The following DAB1 variants were observed in gnomAD, a reference collection of about 807,000 sequenced individuals.
The protein encoded by DAB1 is DAB adaptor protein 1, also known as disabled homolog 1.
In DAB1, 15 loss-of-function variants were observed where a neutral mutation model predicts 64.6. The observed-to-expected ratio is 0.23, with a 90% CI of 0.16 to 0.36. The LOEUF is 0.36. Among genes scored for constraint, DAB1 ranks in the 10% least tolerant of loss-of-function variants. The pLI is 1.00. For missense variants in DAB1, 596 were observed against 706.7 expected, an observed-to-expected ratio of 0.84 and a Z score of 1.78; for synonymous variants, 235 against 251.9, an observed-to-expected ratio of 0.93 and a Z score of 0.64.
At chr1:57,415,512 T>C (rs997367142) in intron 1 of DAB1, among the ~76,000 whole-genome samples, 2 of 152,196 alleles carry the variant, frequency 1.3e-5, no homozygotes, top group African/African-American at 4.8e-5. Context: ...AACTTCTATG[T>C]GGTCTATAAA....
intron 7 of DAB1, among the ~76,000 whole-genome samples, chr1:57,530,142 C>A (rs1292812024): frequency 6.6e-6 from 1 of 152,096 alleles, no homozygotes; most frequent in Non-Finnish European, 1.5e-5. Flanking sequence ...TACTTTGATG[C>A]AAATTTTTAG....
At chr1:58,214,001 T>C (rs959916339) in intron 4 of DAB1, among the ~76,000 whole-genome samples, 9 of 152,180 alleles carry the variant, frequency 5.9e-5, no homozygotes, top group Non-Finnish European at 1.0e-4. Flanking sequence ...ACTCTATCTT[T>C]CACACTGCTT....
At chr1:57,934,045 G>A (rs1217698849) in intron 5 of DAB1, among the ~76,000 whole-genome samples, 3 of 144,204 alleles carry the variant, frequency 2.1e-5, no homozygotes, top group Non-Finnish European at 3.0e-5. Context: ...ATAGGCGTCC[G>A]CCACCAAGCC....
At chr1:57,254,715 T>C (rs1054486151) in intron 2 of DAB1, among the ~76,000 whole-genome samples, 1 of 152,136 alleles carries the variant, frequency 6.6e-6, no homozygotes, top group Non-Finnish European at 1.5e-5. Context: ...ATATTAATTG[T>C]GGAAAATTTG....
chr1:57,292,428 A>T (rs1672850014), intron 1 of DAB1, among the ~76,000 whole-genome samples: 1 of 152,180 alleles, frequency 6.6e-6, no homozygotes, highest in Non-Finnish European at 1.5e-5. Context: ...GGCTACAACT[A>T]AGAAAAACAG....
At chr1:57,618,721 T>A (rs1460423024) in intron 7 of DAB1, among the ~76,000 whole-genome samples, 1 of 145,708 alleles carries the variant, frequency 6.9e-6, no homozygotes, top group Non-Finnish European at 1.5e-5. Flanking sequence ...TTAACAGCTA[T>A]TACACAGATA....
In DAB1 at chr1:57,934,067, G is replaced by C. The variant is rs1411505652; in HGVS notation, n.388-49905C>G. Among the ~76,000 whole-genome samples, 6 of 139,782 alleles carry C rather than the reference G, an allele frequency of 4.3e-5. No homozygotes were observed. In the South Asian group the frequency reaches 1.4e-3, roughly 33 times the overall value. The allele number at this position is 139,782 out of a possible 152,430, so 91.7% of individuals were successfully genotyped here. A position where few individuals can be genotyped will look rare whatever the true frequency, so the allele number is the denominator to read the frequency against. ...TCCGCCACCAAGCCCAGCTAATTGT[G>C]TGTGTGTGTGTGTGTGTGTGTGTGT... On this transcript the variant is annotated intron_variant and non_coding_transcript_variant, in intron 5 of 20. Transcript: ENST00000485760.
At position 56,994,814 on chromosome 1, in the gene DAB1, C is replaced by T. The variant is rs532662359; in HGVS notation, c.*3330G>A. 1 of 152,324 alleles carries T rather than the reference C, an allele frequency of 6.6e-6. No individual in the cohort carries two copies. The highest frequency in any genetic ancestry group is 1.9e-4 in the East Asian group (1 of 5,188). The allele number at this position is 152,324 out of a possible 1,614,324, so 9.4% of individuals were successfully genotyped here. ...AACATGTTTATTTGTAACAGTTTTA[C>T]ATGGTGTGTTACAGAAATTAATGGA... is the stretch of plus-strand genomic sequence containing the variant. On this transcript the variant is annotated 3_prime_UTR_variant, in exon 15 of 15. Transcript: ENST00000371236.
intron 1 of DAB1, among the ~76,000 whole-genome samples, chr1:58,543,891 C>T (rs12563531): frequency 6.6e-5 from 10 of 152,136 alleles, no homozygotes; most frequent in Non-Finnish European, 1.2e-4. Flanking sequence ...GTAGCCCCTA[C>T]ATGTGGCTAC....
intron 2 of DAB1, among the ~76,000 whole-genome samples, chr1:57,207,116 G>A (rs1486269675): frequency 6.6e-6 from 1 of 151,018 alleles, no homozygotes; most frequent in African/African-American, 2.4e-5. Flanking sequence ...TTATGGGCAT[G>A]TGCCACTGTG....
chr1:57,660,081 G>C (rs1454244464), intron 6 of DAB1, among the ~76,000 whole-genome samples: 2 of 151,836 alleles, frequency 1.3e-5, no homozygotes, highest in Non-Finnish European at 2.9e-5. Flanking sequence ...TAATAAAAAT[G>C]AAATAAAATC....
At chr1:58,530,053 T>C (rs1646410857) in intron 1 of DAB1, among the ~76,000 whole-genome samples, 1 of 152,262 alleles carries the variant, frequency 6.6e-6, no homozygotes, top group East Asian at 1.9e-4. Flanking sequence ...GCTAATTTTT[T>C]TGTATTTTTA....
intron 1 of DAB1, among the ~76,000 whole-genome samples, chr1:57,390,458 C>T (rs1682255772): frequency 6.6e-6 from 1 of 152,178 alleles, no homozygotes; most frequent in Non-Finnish European, 1.5e-5. Context: ...AAAATAATCA[C>T]GATTGTACTC....
At chr1:57,845,632 A>G (rs1306255715) in intron 1 of DAB1, among the ~76,000 whole-genome samples, 1 of 152,218 alleles carries the variant, frequency 6.6e-6, no homozygotes, top group African/African-American at 2.4e-5. Flanking sequence ...AAAGAAAAGT[A>G]CACGACATTA....
intron 5 of DAB1, among the ~76,000 whole-genome samples, chr1:58,140,570 G>A (rs921205501): frequency 6.6e-6 from 1 of 151,734 alleles, no homozygotes; most frequent in Non-Finnish European, 1.5e-5. Context: ...GGAGTTCACA[G>A]GAGAACTAAA....
intron 4 of DAB1, among the ~76,000 whole-genome samples, chr1:58,210,110 A>T (rs774197387): frequency 6.6e-6 from 1 of 152,200 alleles, no homozygotes; most frequent in Non-Finnish European, 1.5e-5. Flanking sequence ...TACTTACAAC[A>T]ACTCTTGAGG....
chr1:57,576,168 T>C lies in DAB1; in HGVS notation n.625+73424A>G, dbSNP rs935959162. On this transcript the variant is annotated intron_variant and non_coding_transcript_variant, in intron 7 of 20. Transcript: ENST00000485760. ...ATTTTTTAATCATAATATTTTTAGT[T>C]TCATTATTATAAACTAGAATTGTGT... Among the ~76,000 whole-genome samples the C allele has an allele frequency of 5.3e-5, 8 of 152,310 alleles. No individual in the cohort carries two copies. The East Asian group carries it at 1.3e-3, about 26-fold the overall frequency.
intron 4 of DAB1, among the ~76,000 whole-genome samples, chr1:57,108,235 C>A (rs1242601512): frequency 6.6e-6 from 1 of 152,168 alleles, no homozygotes; most frequent in East Asian, 1.9e-4. Flanking sequence ...CAAGGACTCA[C>A]TGAGAGACAT....
chr1:58,022,332 T>C (rs1173723932), intron 5 of DAB1, among the ~76,000 whole-genome samples: 2 of 152,190 alleles, frequency 1.3e-5, no homozygotes, highest in African/African-American at 2.4e-5. Flanking sequence ...AAGGCAATGC[T>C]GTGGGGATGC....
Sources: allele counts gnomAD v4.1 joint callset (sites outside exome capture counted in the v4.1 genomes callset), GRCh38; gene constraint gnomAD v4.1.1; transcripts MANE v1.5; gene names NCBI Gene and HGNC (gene_info 2026-07-23, HGNC 2026-07-21).